SRPX: variants seen among roughly 807,000 people sequenced by gnomAD.
The protein encoded by SRPX is sushi repeat-containing protein SRPX.
In SRPX, 24 loss-of-function variants were observed where a neutral mutation model predicts 38.1. The observed-to-expected ratio is 0.63, with a 90% CI of 0.46 to 0.89. The LOEUF (loss-of-function observed/expected upper bound fraction) is 0.89. Among genes scored for constraint, SRPX ranks in the 40% least tolerant of loss-of-function variants. The probability of loss-of-function intolerance (pLI) is 0.00; values close to 1 mark genes in which losing one functional copy is unlikely to be tolerated. For synonymous variants in SRPX, 184 were observed against 153.8 expected (o/e 1.20, Z -1.45); for missense variants, 416 against 377.8 (o/e 1.10, Z -0.84).
chrX:38,178,153 T>A (rs1025138438), intron 2 of SRPX, 132 bp downstream of exon 2: 15 of 391,690 alleles, frequency 3.8e-5, no homozygotes, highest in African/African-American at 3.5e-4. Flanking sequence ...ATATATATTT[T>A]TTTTTCCTTG....
At chrX:38,217,000 T>C (rs760416015) in intron 1 of SRPX, among the ~76,000 whole-genome samples, 1 of 112,537 alleles carries the variant, frequency 8.9e-6, no homozygotes, top group East Asian at 2.8e-4. Context: ...TTTCTATGTA[T>C]GTAGATTCAT....
rs1251707560 is a variant in SRPX, at chrX:38,178,958, T to TC, written c.98-615_98-614insG. The stretch of plus-strand genomic sequence containing the variant: ...TCAAGTAAAATTTCTTTTTTTTTTT[T>TC]TTTTTTTGAGACGGAGTCTCACTCT... On this transcript the variant is annotated intron_variant, in intron 1 of 9. Coordinates refer to ENST00000378533, the MANE Select transcript of SRPX (RefSeq NM_006307.5). 7.7e-5 allele frequency among the ~76,000 whole-genome samples: 8 copies of TC among 104,264 alleles called. No individual in the cohort carries two copies. In the Admixed American group the frequency reaches 8.1e-4, roughly 11 times the overall value. The allele number at this position is 104,264 out of a possible 115,157, so 90.5% of individuals were successfully genotyped here.
chrX:38,218,169 A>C (rs1939449616), intron 1 of SRPX, among the ~76,000 whole-genome samples: 1 of 111,982 alleles, frequency 8.9e-6, no homozygotes, highest in East Asian at 2.8e-4. Context: ...AAACCACGCT[A>C]CTTTACCAGT....
chrX:38,198,859 T>A (rs1485960088), intron 1 of SRPX, among the ~76,000 whole-genome samples: 1 of 111,255 alleles, frequency 9.0e-6, no homozygotes, highest in African/African-American at 3.3e-5. Context: ...TTTTATTTTT[T>A]AAAAAGTGCA....
Position 38,149,774 on chromosome X carries a change from A to T in SRPX, c.1332T>A (p.Thr444=). ...CCATCTCTTCTTTTCTCAAGGGAAA[A>T]GTGTCAATCAGGTTGAACAGGGCCA... ...MPVALFNLID[T]FPLRKEEMVL... Residue 444 remains threonine, a synonymous_variant, in exon 10 of 10, where the codon ACT becomes ACA. Transcript: ENST00000378533. 1 of 1,211,181 alleles carries T rather than the reference A, an allele frequency of 8.3e-7. No homozygotes were observed. Among genetic ancestry groups the T allele is most frequent in the Non-Finnish European group, 1.1e-6 (1 of 895,301 alleles).
chrX:38,193,487 A>G (rs773274803), intron 1 of SRPX, among the ~76,000 whole-genome samples: 5 of 112,118 alleles, frequency 4.5e-5, no homozygotes, highest in East Asian at 5.6e-4. Context: ...CCCCTCTTCA[A>G]TGAAATTCTG....
chrX:38,178,467 A>G, intron 1 of SRPX, 123 bp from the exon 2 acceptor site: 1 of 516,432 alleles, frequency 1.9e-6, no homozygotes, highest in Non-Finnish European at 3.2e-6. Flanking sequence ...CCAAGAGCAA[A>G]AGCTTCTGTG....
intron 2 of SRPX, among the ~76,000 whole-genome samples, chrX:38,176,365 G>A (rs1215754969): frequency 3.6e-5 from 4 of 112,082 alleles, no homozygotes; most frequent in Admixed American, 1.9e-4. Context: ...CACCGTAAAT[G>A]TTGGTTACAT....
In SRPX at chrX:38,174,850, C is replaced by A. The variant is rs767338229; in HGVS notation, c.158-499G>T. Among the ~76,000 whole-genome samples the A allele has an allele frequency of 2.4e-3, 271 of 112,080 alleles. 1 individual carries two copies. The highest frequency in any genetic ancestry group is 8.3e-3 in the African/African-American group (256 of 30,883). ...ATTTGGATTTCGTCTGAGCCGTATG[C>A]ACATTCTCTCTAAAATGTTGTAATA... On this transcript the variant is annotated intron_variant, in intron 2 of 9. Coordinates refer to ENST00000378533, the MANE Select transcript of SRPX (RefSeq NM_006307.5).
At chrX:38,157,122 A>G in intron 7 of SRPX, 93 bp from the exon 8 acceptor site, 1 of 1,052,609 alleles carries the variant, frequency 9.5e-7, no homozygotes, top group East Asian at 3.1e-5. Context: ...TTGTGTAAGA[A>G]GTAAACCCTG....
At chrX:38,195,819 T>C (rs1938989840) in intron 1 of SRPX, among the ~76,000 whole-genome samples, 1 of 111,709 alleles carries the variant, frequency 9.0e-6, no homozygotes, top group Non-Finnish European at 1.9e-5. Context: ...TAATATTATA[T>C]ATGGGGAAAA....
intron 5 of SRPX, among the ~76,000 whole-genome samples, chrX:38,161,698 A>T (rs1938267550): frequency 8.9e-6 from 1 of 111,955 alleles, no homozygotes; most frequent in Admixed American, 9.5e-5. Context: ...TTAATCCAAC[A>T]ACCCTATAAG....
At chrX:38,195,019 C>T (rs1164176618) in intron 1 of SRPX, among the ~76,000 whole-genome samples, 3 of 108,003 alleles carry the variant, frequency 2.8e-5, no homozygotes, top group Admixed American at 1.0e-4. Flanking sequence ...ATTACAGGCA[C>T]GTGCCACCAC....
intron 1 of SRPX, among the ~76,000 whole-genome samples, chrX:38,186,491 TAG>T (rs772129504): frequency 9.0e-6 from 1 of 111,204 alleles, no homozygotes; most frequent in Non-Finnish European, 1.9e-5. Flanking sequence ...GTAGGAAGAG[TAG>T]AAAGTACAAA....
At chrX:38,159,773 A>G (rs1210495532) in intron 7 of SRPX, among the ~76,000 whole-genome samples, 1 of 112,553 alleles carries the variant, frequency 8.9e-6, no homozygotes, top group East Asian at 2.8e-4. Context: ...GGCTGGCCCT[A>G]GGTTCCTACC....
intron 6 of SRPX, 91 bp from the exon 7 acceptor site, chrX:38,160,287 G>T: frequency 1.1e-6 from 1 of 922,915 alleles, no homozygotes; most frequent in Non-Finnish European, 1.5e-6. Flanking sequence ...CATCAGCTTT[G>T]CAATCAGGCT....
intron 3 of SRPX, 104 bp from the exon 4 acceptor site, chrX:38,172,161 A>T (rs1452610614): frequency 1.1e-6 from 1 of 928,945 alleles, no homozygotes; most frequent in Non-Finnish European, 1.5e-6. Context: ...AAGTTAATTT[A>T]AATATAAGAA....
chrX:38,152,063 G>A (rs1349076192), intron 9 of SRPX, among the ~76,000 whole-genome samples: 3 of 111,577 alleles, frequency 2.7e-5, no homozygotes, highest in Non-Finnish European at 5.7e-5. Flanking sequence ...TTTGAAAATA[G>A]CCAGACAAGA....
chrX:38,216,269 A>G (rs1245197807), intron 1 of SRPX, among the ~76,000 whole-genome samples: 2 of 112,300 alleles, frequency 1.8e-5, no homozygotes, highest in East Asian at 5.6e-4. Context: ...AACATTGACC[A>G]CCTGAAATAA....
Sources: allele counts gnomAD v4.1 joint callset (sites outside exome capture counted in the v4.1 genomes callset), GRCh38; gene constraint gnomAD v4.1.1; transcripts MANE v1.5; gene names NCBI Gene and HGNC (gene_info 2026-07-23, HGNC 2026-07-21).